FUT9: variants seen among roughly 807,000 people sequenced by gnomAD.
FUT9 encodes fucosyltransferase 9.
FUT9 carries 15 observed loss-of-function variants against 29.7 expected under a neutral mutation model. The ratio of observed to expected loss-of-function variants is 0.51; its 90% CI spans 0.34 to 0.78. FUT9 has a LOEUF of 0.78. FUT9 is among the 30% of genes least tolerant of loss of function. The pLI is 0.01. For synonymous variants in FUT9, 169 were observed against 153.7 expected (o/e 1.10, Z -0.74); for missense variants, 319 against 425.4 (o/e 0.75, Z 2.20).
At chr6:96,172,504 GT>G in intron 2 of FUT9, among the ~76,000 whole-genome samples, 1 of 152,226 alleles carries the variant, frequency 6.6e-6, no homozygotes, top group African/African-American at 2.4e-5. Flanking sequence ...CTTGAGAGAT[GT>G]TTAGTTTATT....
intron 1 of FUT9, among the ~76,000 whole-genome samples, chr6:96,100,039 G>A (rs4339466): frequency 0.91 from 138,956 of 152,106 alleles, 64,488 homozygotes; most frequent in East Asian, 1. Flanking sequence ...TTGTGATCCA[G>A]TACCAAAGGG....
chr6:96,178,605 T>C (rs1773248262), intron 2 of FUT9, among the ~76,000 whole-genome samples: 1 of 152,154 alleles, frequency 6.6e-6, no homozygotes, highest in African/African-American at 2.4e-5. Context: ...TTGAAATTGT[T>C]TCCATTGGCA....
intron 1 of FUT9, among the ~76,000 whole-genome samples, chr6:96,067,529 T>A (rs974393107): frequency 1.3e-5 from 2 of 152,008 alleles, no homozygotes; most frequent in Non-Finnish European, 2.9e-5. Flanking sequence ...ACACTTTAAA[T>A]AAGAGTTAGT....
intron 2 of FUT9, among the ~76,000 whole-genome samples, chr6:96,130,533 T>C (rs1268042159): frequency 6.6e-6 from 1 of 152,176 alleles, no homozygotes; most frequent in Non-Finnish European, 1.5e-5. Flanking sequence ...TTCTTGGACA[T>C]TAAAGAAATT....
chr6:96,172,736 T>C (rs903848392), intron 2 of FUT9, among the ~76,000 whole-genome samples: 5 of 152,096 alleles, frequency 3.3e-5, no homozygotes, highest in African/African-American at 1.2e-4. Flanking sequence ...AAACAAAAGA[T>C]TGTCTGCACA....
intron 1 of FUT9, among the ~76,000 whole-genome samples, chr6:96,086,900 G>A (rs1016792094): frequency 5.9e-5 from 9 of 152,298 alleles, no homozygotes; most frequent in Admixed American, 5.2e-4. Flanking sequence ...TCAGGACCCT[G>A]CTGTCACAGA....
chr6:96,203,852 C>T lies in FUT9; in HGVS notation c.697C>T (p.Pro233Ser). Reference protein sequence around the residue: ...GEYVNDKNLIPTISTCKFYLS... With the variant: ...GEYVNDKNLISTISTCKFYLS... ...ATATGTCAATGATAAAAATTTGATT[C>T]CTACCATATCTACTTGTAAATTTTA... The change falls in exon 3 of 3, where the codon CCT (proline) becomes TCT (serine). Residue 233 changes from proline (P) to serine (S), a missense_variant. Coordinates refer to ENST00000302103, the MANE Select transcript of FUT9 (RefSeq NM_006581.4). The T allele has an allele frequency of 6.2e-7, 1 of 1,610,340 alleles. No homozygotes were observed. The highest frequency in any genetic ancestry group is 8.5e-7 in the Non-Finnish European group (1 of 1,176,924).
At chr6:96,098,796 C>T (rs1562123877) in intron 1 of FUT9, among the ~76,000 whole-genome samples, 2 of 152,110 alleles carry the variant, frequency 1.3e-5, no homozygotes, top group Non-Finnish European at 1.5e-5. Context: ...TTTATTCATC[C>T]TATCCACAAG....
At chr6:96,100,468 A>G (rs1313316683) in intron 1 of FUT9, among the ~76,000 whole-genome samples, 1 of 152,228 alleles carries the variant, frequency 6.6e-6, no homozygotes, top group Non-Finnish European at 1.5e-5. Flanking sequence ...GGATTTAAAG[A>G]TGAAACTTTA....
At chr6:96,042,607 C>G (rs556248462) in intron 1 of FUT9, among the ~76,000 whole-genome samples, 1 of 152,102 alleles carries the variant, frequency 6.6e-6, no homozygotes, top group South Asian at 2.1e-4. Context: ...TATTTTACAG[C>G]TGTTTTTTTT....
chr6:96,062,459 GA>G (rs571451154), intron 1 of FUT9, among the ~76,000 whole-genome samples: 51 of 152,106 alleles, frequency 3.4e-4, no homozygotes, highest in African/African-American at 1.2e-3. Context: ...TTAACCTCTG[GA>G]AAACTTGTTT....
intron 1 of FUT9, chr6:96,020,922 T>C (rs1001655007): frequency 6.6e-6 from 1 of 152,064 alleles, no homozygotes; most frequent in African/African-American, 2.4e-5. Context: ...TCAGCCTCTC[T>C]TTATTGAGGG....
chr6:96,123,383 A>G (rs1772068907), intron 2 of FUT9, among the ~76,000 whole-genome samples: 1 of 152,210 alleles, frequency 6.6e-6, no homozygotes, highest in Non-Finnish European at 1.5e-5. Context: ...CTCTCAGAGC[A>G]GGGAAGACTG....
Position 96,114,100 on chromosome 6 carries a change from G to A in FUT9, c.-36G>A, listed in dbSNP as rs970308606. 1.4e-4 allele frequency: 22 copies of A among 152,088 alleles called. No individual in the cohort carries two copies. The highest frequency in any genetic ancestry group is 2.7e-4 in the African/African-American group (11 of 41,490). The allele number at this position is 152,088 out of a possible 1,614,324, so 9.4% of individuals were successfully genotyped here. ...GTGAAGTAGTATAACAACTGTCTAC[G>A]TGCTTCCCATGATATGTTCTCTATA... On this transcript the variant is annotated 5_prime_UTR_variant, in exon 2 of 3. It adds an upstream start codon to the 5' untranslated region. Transcript: ENST00000302103.
chr6:96,080,002 T>C lies in FUT9; in HGVS notation c.-97-34037T>C, dbSNP rs1319824076. Among the ~76,000 whole-genome samples, 3 of 152,068 alleles carry C rather than the reference T, an allele frequency of 2.0e-5. No homozygotes were observed. In the East Asian group the frequency reaches 5.8e-4, roughly 29 times the overall value. On this transcript the variant is annotated intron_variant, in intron 1 of 2. Coordinates refer to ENST00000302103, the MANE Select transcript of FUT9 (RefSeq NM_006581.4). ...TACAACAATGTATCTGACAATATTATTGCTTTGTACTTGAAGAAGTAGAAT... is the reference window on the plus strand; with the variant it reads ...TACAACAATGTATCTGACAATATTACTGCTTTGTACTTGAAGAAGTAGAAT...
chr6:96,045,825 T>G (rs150238577), intron 1 of FUT9, among the ~76,000 whole-genome samples: 217 of 152,332 alleles, frequency 1.4e-3, no homozygotes, highest in African/African-American at 5.0e-3. Flanking sequence ...AGTTTGCCCA[T>G]TCCTGGCGGG....
At chr6:96,051,083 T>C (rs1770659433) in intron 1 of FUT9, among the ~76,000 whole-genome samples, 1 of 151,946 alleles carries the variant, frequency 6.6e-6, no homozygotes, top group Non-Finnish European at 1.5e-5. Context: ...GTGAAGAGAT[T>C]AAATTCCACG....
At chr6:96,044,659 A>T (rs917060601) in intron 1 of FUT9, among the ~76,000 whole-genome samples, 1 of 152,128 alleles carries the variant, frequency 6.6e-6, no homozygotes, top group African/African-American at 2.4e-5. Flanking sequence ...TTTCCCCCTG[A>T]TTTAAACACA....
At chr6:96,056,787 T>G (rs1441485161) in intron 1 of FUT9, among the ~76,000 whole-genome samples, 1 of 152,056 alleles carries the variant, frequency 6.6e-6, no homozygotes, top group Non-Finnish European at 1.5e-5. Context: ...TTAAAATTAG[T>G]CATCTAATGA....
Sources: allele counts gnomAD v4.1 joint callset (sites outside exome capture counted in the v4.1 genomes callset), GRCh38; gene constraint gnomAD v4.1.1; transcripts MANE v1.5; gene names NCBI Gene and HGNC (gene_info 2026-07-23, HGNC 2026-07-21).